The following TFB2M variants were observed in gnomAD, a reference collection of about 807,000 sequenced individuals.
TFB2M encodes the protein dimethyladenosine transferase 2, mitochondrial.
A neutral mutation model predicts 41.3 loss-of-function variants in TFB2M; 44 were observed. That is an observed-to-expected ratio of 1.07 (90% confidence interval 0.84 to 1.37). The LOEUF (loss-of-function observed/expected upper bound fraction) is 1.37. Among genes scored for constraint, TFB2M ranks in the 40% most tolerant of loss-of-function variants. The pLI, the probability that TFB2M is intolerant of heterozygous loss-of-function variation, is 0.00. For missense variants in TFB2M, 496 were observed against 490.2 expected (o/e 1.01, Z -0.11); for synonymous variants, 188 against 176.8 (o/e 1.06, Z -0.50).
intron 2 of TFB2M, among the ~76,000 whole-genome samples, chr1:246,562,868 C>T (rs1441526197): frequency 3.3e-5 from 5 of 152,058 alleles, no homozygotes; most frequent in African/African-American, 1.2e-4. Context: ...CCATGTTGGT[C>T]AGGATGGTCT....
chr1:246,542,818 C>G (rs1173599753), intron 7 of TFB2M, among the ~76,000 whole-genome samples: 1 of 151,532 alleles, frequency 6.6e-6, no homozygotes, highest in East Asian at 1.9e-4. Flanking sequence ...TATTTTCATT[C>G]AAAATAGCCA....
chr1:246,557,340 G>C, intron 3 of TFB2M, 41 bp downstream of exon 3: 1 of 1,587,796 alleles, frequency 6.3e-7, no homozygotes, highest in Non-Finnish European at 8.5e-7. Flanking sequence ...GAGACACCTG[G>C]CAAATTCTAG....
intron 5 of TFB2M, 99 bp from the exon 6 acceptor site, chr1:246,548,706 G>C: frequency 1.9e-6 from 2 of 1,031,874 alleles, no homozygotes; most frequent in East Asian, 2.4e-5. Flanking sequence ...CTAAATAAGA[G>C]AATGGTCAGT....
At position 246,541,165 on chromosome 1, in the gene TFB2M, G is replaced by C. The variant is rs770783486; in HGVS notation, c.1057C>G (p.Gln353Glu). The change falls in exon 8 of 8, where the codon CAA becomes GAA. Residue 353 changes from glutamine (Q) to glutamate (E), a missense_variant. By Grantham distance (29) the Gln-to-Glu change is conservative (BLOSUM62 2). Coordinates refer to ENST00000366514, the MANE Select transcript of TFB2M (RefSeq NM_022366.3). ...TTCTCATCCTCCTGTTTTCCTATTT[G>C]CATCAATATATCTCTCGCATCAAGT... ...TPLDARDILMQIGKQEDEKVV... is the reference protein window; with the variant it reads ...TPLDARDILMEIGKQEDEKVV... 1 of 1,613,802 alleles carries C rather than the reference G, an allele frequency of 6.2e-7. No homozygotes were observed. Among genetic ancestry groups the C allele is most frequent in the East Asian group, 2.2e-5 (1 of 44,872 alleles).
intron 2 of TFB2M, among the ~76,000 whole-genome samples, chr1:246,562,444 C>A (rs769004306): frequency 6.6e-6 from 1 of 152,192 alleles, no homozygotes; most frequent in Non-Finnish European, 1.5e-5. Context: ...ACAGGCTGAG[C>A]ATCCTTAATC....
chr1:246,559,321 G>A (rs1463650446), intron 2 of TFB2M, among the ~76,000 whole-genome samples: 1 of 152,080 alleles, frequency 6.6e-6, no homozygotes, highest in Non-Finnish European at 1.5e-5. Context: ...GGCCAAAGAG[G>A]GCGGATCACA....
intron 4 of TFB2M, among the ~76,000 whole-genome samples, chr1:246,556,260 T>C (rs1375369428): frequency 6.6e-6 from 1 of 152,130 alleles, no homozygotes; most frequent in Non-Finnish European, 1.5e-5. Flanking sequence ...AGACAGAAAG[T>C]AGAATAATGA....
intron 4 of TFB2M, among the ~76,000 whole-genome samples, chr1:246,555,664 G>A (rs1659301671): frequency 6.6e-6 from 1 of 152,148 alleles, no homozygotes; most frequent in Non-Finnish European, 1.5e-5. Context: ...ACTTCTAGCT[G>A]TACACTCAAA....
At chr1:246,547,153 C>A (rs969501603) in intron 6 of TFB2M, among the ~76,000 whole-genome samples, 1 of 151,956 alleles carries the variant, frequency 6.6e-6, no homozygotes, top group African/African-American at 2.4e-5. Flanking sequence ...CCAGCTAATT[C>A]TTGTATTTTT....
intron 6 of TFB2M, among the ~76,000 whole-genome samples, chr1:246,545,088 G>A (rs369919791): frequency 3.3e-5 from 5 of 151,118 alleles, no homozygotes; most frequent in Middle Eastern, 3.5e-3. Flanking sequence ...TTACAGGCGT[G>A]AGCCACCGTG....
intron 7 of TFB2M, among the ~76,000 whole-genome samples, chr1:246,543,471 A>G (rs573518516): frequency 1.3e-5 from 2 of 152,274 alleles, no homozygotes; most frequent in African/African-American, 4.8e-5. Context: ...CCCTACATAC[A>G]AATTACATAG....
chr1:246,565,978 T>C lies in TFB2M; in HGVS notation c.161A>G (p.Glu54Gly). The C allele has an allele frequency of 6.2e-7, 1 of 1,614,164 alleles. No homozygotes were observed. Among genetic ancestry groups the C allele is most frequent in the Non-Finnish European group, 8.5e-7 (1 of 1,180,032 alleles). The change falls in exon 1 of 8, where the codon GAA becomes GGA. Residue 54 changes from glutamate (E) to glycine (G), a missense_variant. Coordinates refer to ENST00000366514, the MANE Select transcript of TFB2M (RefSeq NM_022366.3). ...LSDSSPQLWP[E>G]PDFRNPPRKA... ...CCTTGGCGGATTCCTGAAATCCGGTTCGGGCCACAGCTGCGGAGAGGAGTC... is the reference window on the plus strand; with the variant it reads ...CCTTGGCGGATTCCTGAAATCCGGTCCGGGCCACAGCTGCGGAGAGGAGTC...
intron 4 of TFB2M, among the ~76,000 whole-genome samples, chr1:246,551,916 T>C (rs945138155): frequency 6.6e-6 from 1 of 152,226 alleles, no homozygotes; most frequent in African/African-American, 2.4e-5. Flanking sequence ...CCCAAGGTCC[T>C]GAGGCCCTCG....
chr1:246,556,689 T>C lies in TFB2M; in HGVS notation c.589A>G (p.Ser197Gly). 1 of 1,578,006 alleles carries C rather than the reference T, an allele frequency of 6.3e-7. No individual in the cohort carries two copies. The highest frequency in any genetic ancestry group is 8.5e-7 in the Non-Finnish European group (1 of 1,169,598). ...IPLKVVGMFP[S>G]RGEKRALWKL... ...CAAAGTGCCCTTTTCTCACCTCTAC[T>C]TGGGAACATTCCAACTACTTTTAAA... Residue 197 changes from serine to glycine, a missense_variant, in exon 4 of 8, where the codon AGT (serine) becomes GGT (glycine). By Grantham distance (56) the Ser-to-Gly change is moderately conservative (BLOSUM62 0). Transcript: ENST00000366514.
intron 6 of TFB2M, among the ~76,000 whole-genome samples, chr1:246,544,944 T>C (rs999710105): frequency 6.6e-6 from 1 of 152,028 alleles, no homozygotes; most frequent in Non-Finnish European, 1.5e-5. Flanking sequence ...TAGCTGGGAC[T>C]ACAGGCGCCC....
At chr1:246,564,586 G>C in intron 1 of TFB2M, 152 bp from the exon 2 acceptor site, 1 of 629,810 alleles carries the variant, frequency 1.6e-6, no homozygotes, top group East Asian at 2.8e-5. Flanking sequence ...TTACATATAA[G>C]GAAACAGGAG....
Position 246,544,501 on chromosome 1 carries a change from C to T in TFB2M, c.1019+20G>A, listed in dbSNP as rs763082497. 81 of 1,574,716 alleles carry T rather than the reference C, an allele frequency of 5.1e-5. No homozygotes were observed. In the East Asian group the frequency reaches 6.6e-4, roughly 13 times the overall value. ...GTGCATCGTTGCTACTTTATACTTGCTTTTATTCTTTTTACTCACCGTAAG... is the reference window on the plus strand; with the variant it reads ...GTGCATCGTTGCTACTTTATACTTGTTTTTATTCTTTTTACTCACCGTAAG... On this transcript the variant is annotated intron_variant, in intron 7 of 7. Transcript: ENST00000366514.
chr1:246,551,766 G>A (rs74981210), intron 4 of TFB2M, among the ~76,000 whole-genome samples: 142 of 152,310 alleles, frequency 9.3e-4, no homozygotes, highest in African/African-American at 3.1e-3. Context: ...AAGGCACTCC[G>A]CAGACAAGAA....
intron 2 of TFB2M, among the ~76,000 whole-genome samples, chr1:246,560,561 T>A (rs1171682602): frequency 6.6e-6 from 1 of 152,222 alleles, no homozygotes; most frequent in Non-Finnish European, 1.5e-5. Flanking sequence ...ATGAACACTT[T>A]ATGGCCTCAA....
Sources: gnomAD v4.1 joint callset for allele counts (sites outside exome capture counted in the v4.1 genomes callset) on GRCh38, gnomAD v4.1.1 for gene constraint, MANE v1.5 for transcripts, NCBI Gene and HGNC (gene_info 2026-07-23, HGNC 2026-07-21) for gene names.